Variants in TDRD7 observed in about 807,000 individuals in gnomAD.
TDRD7 encodes tudor domain-containing protein 7.
TDRD7 carries 47 observed loss-of-function variants against 109.8 expected under a neutral mutation model. The observed-to-expected ratio is 0.43, with a 90% CI of 0.34 to 0.55. The LOEUF is 0.55. Among genes scored for constraint, TDRD7 ranks in the 20% least tolerant of loss-of-function variants. The pLI is 0.03. For missense variants in TDRD7, 1,164 were observed against 1,319.2 expected (o/e 0.88, Z 1.82); for synonymous variants, 424 against 457.3 (o/e 0.93, Z 0.93).
chr9:97,467,491 G>A (rs1006714329), intron 8 of TDRD7, among the ~76,000 whole-genome samples: 4 of 152,088 alleles, frequency 2.6e-5, no homozygotes, highest in Admixed American at 6.6e-5. Flanking sequence ...CACTCCCATC[G>A]TGTTGTATAT....
In TDRD7 at chr9:97,460,531, T is replaced by C. The variant is rs1564206185; in HGVS notation, c.1209T>C (p.Tyr403=). 1 of 1,614,236 alleles carries C rather than the reference T, an allele frequency of 6.2e-7. No individual in the cohort carries two copies. Among genetic ancestry groups the C allele is most frequent in the South Asian group, 1.1e-5 (1 of 91,086 alleles). Residue 403 remains tyrosine, a synonymous_variant, in exon 7 of 17, where the codon TAT becomes TAC. Transcript: ENST00000355295. ...ISGNPQKAIL[Y]AKLPLPTDKI... ...GAAATCCCCAGAAGGCCATTCTCTA[T>C]GCTAAACTTCCATTGCCCACTGACA...
chr9:97,452,363 C>T (rs1027044926), intron 6 of TDRD7, among the ~76,000 whole-genome samples: 15 of 152,178 alleles, frequency 9.9e-5, no homozygotes, highest in African/African-American at 1.9e-4. Flanking sequence ...GAGTCAGGTT[C>T]GGTGCCTTGT....
chr9:97,441,859 G>A lies in TDRD7; in HGVS notation c.839G>A (p.Trp280Ter), dbSNP rs1828312521. The change falls in exon 6 of 17, where the codon TGG becomes TAG. Residue 280 changes from tryptophan (W) to a stop codon, truncating the protein, a stop_gained. Transcript: ENST00000355295. LOFTEE classifies it high-confidence loss of function. The stretch of plus-strand genomic sequence containing the variant: ...GGAATTTTACAACAGTTTGAACACT[G>A]GCCTCATATTTGCACGGTATGTTTT... ...NQGILQQFEHWPHICTVEKPC... is the reference protein window; with the variant it reads ...NQGILQQFEH The A allele has an allele frequency of 6.2e-7, 1 of 1,613,330 alleles. No individual in the cohort carries two copies. The highest frequency in any genetic ancestry group is 8.5e-7 in the Non-Finnish European group (1 of 1,179,620).
chr9:97,493,907 T>G (rs1027410039), intron 16 of TDRD7, among the ~76,000 whole-genome samples: 4 of 152,250 alleles, frequency 2.6e-5, no homozygotes, highest in Non-Finnish European at 2.9e-5. Context: ...TCTCTCTTGT[T>G]CCCTGAACAT....
intron 7 of TDRD7, among the ~76,000 whole-genome samples, chr9:97,461,005 G>A (rs1266418460): frequency 1.3e-5 from 2 of 152,090 alleles, no homozygotes; most frequent in South Asian, 2.1e-4. Context: ...GCAGGGCGTG[G>A]TGGCGGGTGC....
chr9:97,425,981 G>A (rs920766354), intron 1 of TDRD7, among the ~76,000 whole-genome samples: 3 of 152,120 alleles, frequency 2.0e-5, no homozygotes, highest in Non-Finnish European at 2.9e-5. Flanking sequence ...CAGATAAAGA[G>A]GGATACTGCA....
Position 97,478,540 on chromosome 9 carries a change from G to T in TDRD7, c.2268G>T (p.Arg756=). 6.2e-7 allele frequency: 1 copy of T among 1,613,920 alleles called. No individual in the cohort carries two copies. The highest frequency in any genetic ancestry group is 8.5e-7 in the Non-Finnish European group (1 of 1,179,942). Residue 756 remains arginine (R), a synonymous_variant, in exon 13 of 17, where the codon CGG becomes CGT. Coordinates refer to ENST00000355295, the MANE Select transcript of TDRD7 (RefSeq NM_014290.3). ...KVSELREIPP[R]FLQEMIAIPP... ...CAGAGCTCAGGGAAATTCCACCTCG[G>T]TTTCTACAAGAAATGATTGCAATAC...
Position 97,432,376 on chromosome 9 carries a change from A to G in TDRD7, c.563+138A>G, listed in dbSNP as rs1828120036. On this transcript the variant is annotated intron_variant, in intron 4 of 16. Coordinates refer to ENST00000355295, the MANE Select transcript of TDRD7 (RefSeq NM_014290.3). Reference sequence around the variant, plus strand: ...TAGAGACATGCATCATTACCAGTTAAGTTCACTTCTAGCTGCCTGAACATC... The same window carrying G: ...TAGAGACATGCATCATTACCAGTTAGGTTCACTTCTAGCTGCCTGAACATC... 3.9e-6 allele frequency: 3 copies of G among 766,380 alleles called. No homozygotes were observed. In the African/African-American group the frequency reaches 5.2e-5, roughly 13 times the overall value. 47.5% of individuals were successfully genotyped at this position (766,380 alleles called of 1,614,324 possible).
chr9:97,483,489 C>T (rs997630134), intron 15 of TDRD7, 138 bp downstream of exon 15: 28 of 1,073,898 alleles, frequency 2.6e-5, no homozygotes, highest in Non-Finnish European at 2.7e-5. Context: ...GTAATTTTTC[C>T]GATTTTCTAG....
intron 5 of TDRD7, among the ~76,000 whole-genome samples, chr9:97,439,627 G>A (rs1001659792): frequency 6.6e-6 from 1 of 152,158 alleles, no homozygotes; most frequent in Admixed American, 6.5e-5. Context: ...GTGCACCCCT[G>A]AGACTTCAGA....
In TDRD7 at chr9:97,439,260, G is replaced by A. The variant is rs75516981; in HGVS notation, c.579G>A (p.Ala193=). ...MSTNNRFSPK[A]SLQPPLQMHL... The stretch of plus-strand genomic sequence containing the variant: ...AATATCTTAGGTTTAGCCCAAAGGC[G>A]TCCCTTCAACCACCTTTGCAGATGC... The change falls in exon 5 of 17, where the codon GCG becomes GCA. Residue 193 remains alanine, a synonymous_variant. Transcript: ENST00000355295. 2.0e-4 allele frequency: 326 copies of A among 1,597,590 alleles called. 2 individuals carry two copies. In the East Asian group the frequency reaches 5.0e-3, roughly 25 times the overall value.
chr9:97,460,049 A>G (rs1168169419), intron 6 of TDRD7, 129 bp from the exon 7 acceptor site: 1 of 796,328 alleles, frequency 1.3e-6, no homozygotes, highest in Non-Finnish European at 2.1e-6. Flanking sequence ...CTAGCAATTG[A>G]AAAGAGTAAA....
intron 8 of TDRD7, among the ~76,000 whole-genome samples, chr9:97,467,165 C>T (rs554428213): frequency 6.6e-5 from 10 of 152,274 alleles, no homozygotes; most frequent in African/African-American, 1.7e-4. Context: ...TTCACTCCCC[C>T]GGCCCTTAGG....
chr9:97,476,461 A>G (rs998664453), intron 12 of TDRD7, among the ~76,000 whole-genome samples: 3 of 151,716 alleles, frequency 2.0e-5, no homozygotes, highest in African/African-American at 7.3e-5. Flanking sequence ...CACACCTATA[A>G]TCCCAGCACT....
intron 6 of TDRD7, among the ~76,000 whole-genome samples, chr9:97,457,349 A>T (rs1349296362): frequency 6.6e-6 from 1 of 151,960 alleles, no homozygotes; most frequent in African/African-American, 2.4e-5. Flanking sequence ...AAATCATTCT[A>T]CTATAAAGAC....
chr9:97,439,395 T>A, intron 5 of TDRD7, 77 bp downstream of exon 5: 1 of 1,207,936 alleles, frequency 8.3e-7, no homozygotes, highest in Non-Finnish European at 1.2e-6. Flanking sequence ...GCTTTTGACA[T>A]TTGCTCTCAC....
In TDRD7 at chr9:97,472,356, A is replaced by G. The variant is rs775128636; in HGVS notation, c.1805A>G (p.Lys602Arg). 1.2e-6 allele frequency: 2 copies of G among 1,614,022 alleles called. No homozygotes were observed. Among genetic ancestry groups the G allele is most frequent in the South Asian group, 1.1e-5 (1 of 91,086 alleles). Residue 602 changes from lysine (K) to arginine (R), a missense_variant, in exon 10 of 17, where the codon AAG becomes AGG. Coordinates refer to ENST00000355295, the MANE Select transcript of TDRD7 (RefSeq NM_014290.3). The stretch of plus-strand genomic sequence containing the variant: ...GTGGTTGAATCTTTAACTTGTGGAA[A>G]GATCTTTGCAGTGGAAATACTTGAC... ...VKVVESLTCG[K>R]IFAVEILDKA...
Position 97,483,305 on chromosome 9 carries a change from A to G in TDRD7, c.2869A>G (p.Ile957Val), listed in dbSNP as rs765986650. 4 of 1,614,176 alleles carry G rather than the reference A, an allele frequency of 2.5e-6. No homozygotes were observed. Among genetic ancestry groups the G allele is most frequent in the East Asian group, 4.5e-5 (2 of 44,882 alleles). The change falls in exon 15 of 17, where the codon ATA (isoleucine) becomes GTA (valine). Residue 957 changes from isoleucine (I) to valine (V), a missense_variant. This residue lies in a region of TDRD7 where 162 missense variants were observed against 222.5 expected (regional missense o/e 0.73). Transcript: ENST00000355295. ...TTACAGCGTGTCTGAAGAGCGCCACATAGCAGTGGAGAAAGACCAAGTGTA... is the reference window on the plus strand; with the variant it reads ...TTACAGCGTGTCTGAAGAGCGCCACGTAGCAGTGGAGAAAGACCAAGTGTA... ...LYYSVSEERH[I>V]AVEKDQVYAA...
At chr9:97,446,364 A>C (rs1037938617) in intron 6 of TDRD7, among the ~76,000 whole-genome samples, 1 of 152,190 alleles carries the variant, frequency 6.6e-6, no homozygotes, top group Non-Finnish European at 1.5e-5. Context: ...GGCAACCAGC[A>C]GGTAGCTGGG....
Sources: allele counts gnomAD v4.1 joint callset (sites outside exome capture counted in the v4.1 genomes callset), GRCh38; gene constraint gnomAD v4.1.1; regional missense constraint gnomAD v4.1.1; transcripts MANE v1.5; gene names NCBI Gene and HGNC (gene_info 2026-07-23, HGNC 2026-07-21).